AFDN: variants seen among roughly 807,000 people sequenced by gnomAD.
The protein encoded by AFDN is afadin.
Under a neutral mutation model 216.6 loss-of-function variants are expected in AFDN, and 68 were observed. The observed-to-expected ratio is 0.31, with a 90% CI of 0.26 to 0.38. The LOEUF is 0.38. AFDN is among the 10% of genes least tolerant of loss of function. The probability of loss-of-function intolerance (pLI) is 1.00; values close to 1 mark genes in which losing one functional copy is unlikely to be tolerated. For synonymous variants in AFDN, 868 were observed against 853.7 expected, an observed-to-expected ratio of 1.02 and a Z score of -0.29; for missense variants, 2,136 against 2,342.0, an observed-to-expected ratio of 0.91 and a Z score of 1.82.
chr6:167,964,271 G>A, intron 31 of AFDN: 2 of 1,063,828 alleles, frequency 1.9e-6, no homozygotes, highest in Admixed American at 1.1e-4. Flanking sequence ...CATTTGTTGG[G>A]TAGAATAAAG....
rs62427709 is a variant in AFDN at position 167,947,834 on chromosome 6, T to C, written c.3554-19T>C. On this transcript the variant is annotated intron_variant, in intron 27 of 33. Coordinates refer to ENST00000683244, the MANE Select transcript of AFDN (RefSeq NM_001386888.1). ...TTATTTAATATTACACTTTTTTTTT[T>C]CCCCCCTGACTTGAGCAGATCAGCC... The C allele has an allele frequency of 1.1e-3, 1,437 of 1,318,104 alleles. 2 individuals carry two copies. The highest frequency in any genetic ancestry group is 3.9e-3 in the Middle Eastern group (21 of 5,376). 81.7% of individuals were successfully genotyped at this position (1,318,104 alleles called of 1,614,324 possible). A position where few individuals can be genotyped will look rare whatever the true frequency, so the allele number is the denominator to read the frequency against.
chr6:167,917,847 G>C (rs1262833723), intron 20 of AFDN, among the ~76,000 whole-genome samples: 1 of 152,144 alleles, frequency 6.6e-6, no homozygotes, highest in Non-Finnish European at 1.5e-5. Flanking sequence ...TACATAAATC[G>C]TGTCATAGTC....
intron 6 of AFDN, 76 bp downstream of exon 6, chr6:167,880,593 C>G: frequency 7.1e-7 from 1 of 1,402,388 alleles, no homozygotes; most frequent in South Asian, 1.2e-5. Context: ...TCAAATTAAA[C>G]CTAGATTTTC....
At position 167,917,250 on chromosome 6, in the gene AFDN, C is replaced by T; in HGVS notation, c.2709+18C>T. The T allele has an allele frequency of 2.5e-6, 4 of 1,570,600 alleles. No individual in the cohort carries two copies. The highest frequency in any genetic ancestry group is 3.4e-6 in the Non-Finnish European group (4 of 1,163,404). On this transcript the variant is annotated intron_variant, in intron 20 of 33. Transcript: ENST00000683244. ...TCCCAACGGTGAGTGGATGTTGCCA[C>T]ATTACCACACAGTGCGGGACATGTT... is the stretch of plus-strand genomic sequence containing the variant.
intron 23 of AFDN, among the ~76,000 whole-genome samples, chr6:167,936,846 G>A (rs948028002): frequency 6.6e-6 from 1 of 152,176 alleles, no homozygotes; most frequent in African/African-American, 2.4e-5. Context: ...GGTGGTTCGG[G>A]TTGAAGGTAA....
At chr6:167,902,181 C>T (rs916903004) in intron 11 of AFDN, 136 bp from the exon 12 acceptor site, 15 of 555,174 alleles carry the variant, frequency 2.7e-5, no homozygotes, top group African/African-American at 1.2e-4. Flanking sequence ...TCTGTAAGTT[C>T]GTGTGCTGAA....
At chr6:167,851,701 T>A (rs747800567) in intron 1 of AFDN, among the ~76,000 whole-genome samples, 1 of 152,188 alleles carries the variant, frequency 6.6e-6, no homozygotes, top group African/African-American at 2.4e-5. Context: ...TAAGTGAAAG[T>A]AAAATTAAGT....
chr6:167,884,586 G>T (rs977550701), intron 6 of AFDN, among the ~76,000 whole-genome samples: 1 of 152,140 alleles, frequency 6.6e-6, no homozygotes, highest in Non-Finnish European at 1.5e-5. Flanking sequence ...TTTTCAAAGG[G>T]TTCTTATTTT....
intron 29 of AFDN, among the ~76,000 whole-genome samples, chr6:167,950,394 GTGTC>G (rs1277405293): frequency 1.5e-5 from 2 of 135,286 alleles, no homozygotes; most frequent in Non-Finnish European, 3.3e-5. Flanking sequence ...ATTTTTCTCT[GTGTC>G]TGTGTGTGTG....
chr6:167,855,438 A>G (rs914831126), intron 1 of AFDN, among the ~76,000 whole-genome samples: 1 of 152,148 alleles, frequency 6.6e-6, no homozygotes, highest in Non-Finnish European at 1.5e-5. Flanking sequence ...CACATTACTT[A>G]GTGAAAAAAG....
intron 5 of AFDN, among the ~76,000 whole-genome samples, chr6:167,879,295 A>G (rs1371977085): frequency 6.6e-6 from 1 of 152,256 alleles, no homozygotes; most frequent in Admixed American, 6.5e-5. Flanking sequence ...AGCTATCAAA[A>G]TGCAATTCAT....
rs1785242268 is a variant in AFDN at position 167,875,399 on chromosome 6, A to G, written c.643A>G (p.Ile215Val). 3 of 1,613,960 alleles carry G rather than the reference A, an allele frequency of 1.9e-6. No individual in the cohort carries two copies. The highest frequency in any genetic ancestry group is 1.1e-5 in the South Asian group (1 of 91,074). Residue 215 changes from isoleucine (I) to valine (V), a missense_variant, in exon 5 of 34, where the codon ATT becomes GTT. By Grantham distance (29) the Ile-to-Val change is conservative. Transcript: ENST00000683244. ...GCCGGAAACCAGCTTTACTCGAACC[A>G]TTTCTAATCCTGAGGTGGTTATGAA... is the stretch of plus-strand genomic sequence containing the variant. The part of the protein sequence containing the change: ...DMPETSFTRT[I>V]SNPEVVMKRR...
At position 167,917,137 on chromosome 6, in the gene AFDN, A is replaced by G. The variant is rs199773265; in HGVS notation, c.2614A>G (p.Asn872Asp). The change falls in exon 20 of 34, where the codon AAT (asparagine) becomes GAT (aspartate). Residue 872 changes from asparagine to aspartate, a missense_variant. This residue lies in a region of AFDN where 162 missense variants were observed against 182.6 expected (regional missense o/e 0.89). Transcript: ENST00000683244. Reference protein sequence around the residue: ...MDKYAPDDIPNINSTCFKLNS... With the variant: ...MDKYAPDDIPDINSTCFKLNS... ...TAAGTATGCACCTGATGACATTCCA[A>G]ATATAAACAGCACCTGCTTTAAGTT... 1.9e-6 allele frequency: 3 copies of G among 1,613,188 alleles called. No individual in the cohort carries two copies. Among genetic ancestry groups the G allele is most frequent in the African/African-American group, 1.3e-5 (1 of 74,872 alleles).
intron 6 of AFDN, among the ~76,000 whole-genome samples, chr6:167,882,646 AAAAC>A (rs767466854): frequency 2.1e-4 from 32 of 152,304 alleles, no homozygotes; most frequent in South Asian, 8.3e-4. Context: ...CTCTGTCTCA[AAAAC>A]AAACAAACAA....
intron 1 of AFDN, 56 bp downstream of exon 1, chr6:167,827,293 GC>G: frequency 1.4e-6 from 1 of 706,518 alleles, no homozygotes; most frequent in Non-Finnish European, 1.7e-6. Context: ...GCCGCGCCCC[GC>G]CCCTCCCCCC....
chr6:167,890,533 T>C (rs1231751897), intron 7 of AFDN, among the ~76,000 whole-genome samples: 1 of 152,188 alleles, frequency 6.6e-6, no homozygotes, highest in Admixed American at 6.5e-5. Context: ...TGTATGAATG[T>C]ATTTACTGAT....
chr6:167,874,694 C>A (rs529162080), intron 4 of AFDN, among the ~76,000 whole-genome samples: 1 of 148,948 alleles, frequency 6.7e-6, no homozygotes, highest in East Asian at 2.0e-4. Context: ...TGGCTCACTG[C>A]AACCTCCGCC....
intron 4 of AFDN, among the ~76,000 whole-genome samples, chr6:167,873,132 A>G (rs1353721526): frequency 6.6e-6 from 1 of 152,226 alleles, no homozygotes; most frequent in East Asian, 1.9e-4. Flanking sequence ...ACTTTTCCGT[A>G]ATCAAATAAT....
chr6:167,907,107 C>A (rs1385060606), intron 12 of AFDN, 64 bp from the exon 13 acceptor site: 1 of 1,223,414 alleles, frequency 8.2e-7, no homozygotes, highest in Non-Finnish European at 1.2e-6. Context: ...GCTTGCAACG[C>A]TGAGTGTCAA....
Sources: allele counts gnomAD v4.1 joint callset (sites outside exome capture counted in the v4.1 genomes callset), GRCh38; gene constraint gnomAD v4.1.1; regional missense constraint gnomAD v4.1.1; transcripts MANE v1.5; gene names NCBI Gene and HGNC (gene_info 2026-07-23, HGNC 2026-07-21).